The following RASSF3 variants were observed in gnomAD, a reference collection of about 807,000 sequenced individuals.
RASSF3 encodes the protein ras association domain-containing protein 3.
RASSF3 carries 19 observed loss-of-function variants against 19.9 expected under a neutral mutation model. That is an observed-to-expected ratio of 0.96 (90% confidence interval 0.67 to 1.40). RASSF3 has a LOEUF of 1.40. Ranked by LOEUF, RASSF3 falls within the 40% of genes most tolerant of loss-of-function variation. The pLI is 0.00. For synonymous variants in RASSF3, 110 were observed against 104.2 expected (o/e 1.06, Z -0.34); for missense variants, 306 against 289.8 (o/e 1.06, Z -0.41).
downstream of RASSF3, chr12:64,541,819 A>G: frequency 2.5e-6 from 1 of 395,692 alleles, no homozygotes; most frequent in East Asian, 3.6e-5. Flanking sequence ...CAGAGGATCG[A>G]GCTCAGGTTC....
chr12:64,552,726 A>G (rs1214398703), intron 2 of RASSF3, among the ~76,000 whole-genome samples: 1 of 152,190 alleles, frequency 6.6e-6, no homozygotes, highest in Non-Finnish European at 1.5e-5. Flanking sequence ...ATATGGCTGC[A>G]TAGTATTCCA....
rs1377010083 is a variant in RASSF3 at position 64,641,634 on chromosome 12, TC to T, written c.111+30892del. 7.1e-4 allele frequency among the ~76,000 whole-genome samples: 57 copies of T among 80,462 alleles called. 1 individual carries two copies. In the East Asian group the frequency reaches 0.015, roughly 21 times the overall value. The allele number at this position is 80,462 out of a possible 152,430, so 52.8% of individuals were successfully genotyped here. A position where few individuals can be genotyped will look rare whatever the true frequency, so the allele number is the denominator to read the frequency against. On this transcript the variant is annotated intron_variant, in intron 1 of 4. Transcript: ENST00000542104. The stretch of plus-strand genomic sequence containing the variant: ...AATATGGTGAGACCCCATCTCTCTC[TC>T]TCTTTTTTTTTTTTTTTTTAAGTTA...
chr12:64,619,199 T>C (rs925777407), intron 1 of RASSF3, among the ~76,000 whole-genome samples: 2 of 152,042 alleles, frequency 1.3e-5, no homozygotes, highest in African/African-American at 4.8e-5. Flanking sequence ...ACCAGCCTGG[T>C]GTGTTGGGAA....
intron 2 of RASSF3, among the ~76,000 whole-genome samples, chr12:64,579,532 T>G (rs1430195442): frequency 6.6e-6 from 1 of 151,956 alleles, no homozygotes; most frequent in Non-Finnish European, 1.5e-5. Context: ...TTTGTATTTT[T>G]AGTAGAGACT....
Position 64,563,942 on chromosome 12 carries a change from C to T in RASSF3, c.294+22237C>T, listed in dbSNP as rs138766148. 5.5e-3 allele frequency among the ~76,000 whole-genome samples: 842 copies of T among 152,238 alleles called. 4 individuals are homozygous for T. The highest frequency in any genetic ancestry group is 0.02 in the African/African-American group (813 of 41,550). ...CCATCTAGAATGTAAGTTTCATCAG[C>T]GAAGGGGCTCTGTCTGTTTTGCTCA... On this transcript the variant is annotated intron_variant, in intron 2 of 5. Transcript: ENST00000637125.
chr12:64,678,574 T>G (rs868054030), intron 1 of RASSF3, among the ~76,000 whole-genome samples: 1 of 151,372 alleles, frequency 6.6e-6, no homozygotes, highest in Non-Finnish European at 1.5e-5. Flanking sequence ...TCTGTGCTAT[T>G]AATATTTGCT....
chr12:64,516,346 G>A (rs546484578), intron 1 of RASSF3, among the ~76,000 whole-genome samples: 3 of 152,326 alleles, frequency 2.0e-5, no homozygotes, highest in Admixed American at 1.3e-4. Flanking sequence ...CCGGCCGGGC[G>A]CGGTGGCTCA....
At chr12:64,539,684 G>A (rs1235168172) in intron 1 of RASSF3, among the ~76,000 whole-genome samples, 2 of 152,038 alleles carry the variant, frequency 1.3e-5, no homozygotes, top group Admixed American at 6.6e-5. Flanking sequence ...GCTGAGGTGG[G>A]AGGACTGCTT....
downstream of RASSF3, among the ~76,000 whole-genome samples, chr12:64,544,930 T>G (rs1383266710): frequency 1.3e-5 from 2 of 152,198 alleles, no homozygotes; most frequent in African/African-American, 2.4e-5. Context: ...GTTCAGCGTG[T>G]GTGGTTTACA....
intron 1 of RASSF3, among the ~76,000 whole-genome samples, chr12:64,642,782 T>C (rs900776115): frequency 6.6e-6 from 1 of 151,700 alleles, no homozygotes; most frequent in African/African-American, 2.4e-5. Context: ...TTTAAAAGTA[T>C]AGCTTCTGGA....
At position 64,595,319 on chromosome 12, in the gene RASSF3, C is replaced by T. The variant is rs143331353; in HGVS notation, c.294+53614C>T. ...CTGACCTCAAGTGATCAGCCCGCCT[C>T]GGCCTCCCAAAGTGCTGGGATTACA... On this transcript the variant is annotated intron_variant, in intron 2 of 5. Transcript: ENST00000637125. Among the ~76,000 whole-genome samples the T allele has an allele frequency of 2.2e-4, 33 of 152,038 alleles. No homozygotes were observed. In the East Asian group the frequency reaches 5.2e-3, roughly 24 times the overall value.
At chr12:64,631,422 G>A (rs1038904028) in intron 1 of RASSF3, among the ~76,000 whole-genome samples, 1 of 152,144 alleles carries the variant, frequency 6.6e-6, no homozygotes, top group African/African-American at 2.4e-5. Context: ...GAGGAAGCAG[G>A]AGAGTGAGTA....
At chr12:64,637,173 A>C (rs1871353543) in intron 1 of RASSF3, among the ~76,000 whole-genome samples, 1 of 152,190 alleles carries the variant, frequency 6.6e-6, no homozygotes, top group Admixed American at 6.5e-5. Context: ...CTTTTGTGCA[A>C]CTGTTGTTGA....
intron 1 of RASSF3, among the ~76,000 whole-genome samples, chr12:64,614,962 G>C (rs1870502363): frequency 6.6e-6 from 1 of 152,030 alleles, no homozygotes; most frequent in Non-Finnish European, 1.5e-5. Context: ...GCCTCCCAAA[G>C]TGCTGGGATT....
chr12:64,609,028 G>C (rs1870246124), upstream of RASSF3, among the ~76,000 whole-genome samples: 1 of 152,152 alleles, frequency 6.6e-6, no homozygotes, highest in African/African-American at 2.4e-5. Context: ...ATATATACTA[G>C]TTTACAAGAT....
upstream of RASSF3, among the ~76,000 whole-genome samples, chr12:64,605,672 C>A (rs199558157): frequency 3.3e-5 from 5 of 151,914 alleles, no homozygotes; most frequent in East Asian, 9.7e-4. Context: ...GGTGGATCAA[C>A]TGAGGTTGGG....
intron 2 of RASSF3, among the ~76,000 whole-genome samples, chr12:64,571,807 A>G (rs1422686365): frequency 2.0e-5 from 3 of 152,188 alleles, no homozygotes; most frequent in East Asian, 1.9e-4. Context: ...CTCTCTTCCC[A>G]GGTTCCCAAG....
At chr12:64,530,968 G>T (rs1457203809), upstream of RASSF3, among the ~76,000 whole-genome samples, 1 of 152,064 alleles carries the variant, frequency 6.6e-6, no homozygotes, top group African/African-American at 2.4e-5. Flanking sequence ...TCAGACATGT[G>T]ATTTGCAAAT....
In RASSF3 at chr12:64,570,717, A is replaced by G. The variant is rs1307895509; in HGVS notation, c.294+29012A>G. Among the ~76,000 whole-genome samples, 8 of 152,150 alleles carry G rather than the reference A, an allele frequency of 5.3e-5. No homozygotes were observed. In the East Asian group the frequency reaches 1.3e-3, roughly 26 times the overall value. ...ACCCCATCCCTCCTATCGTATATGA[A>G]CAATACCCAAAAGAATCGAAGCTGC... On this transcript the variant is annotated intron_variant, in intron 2 of 5. Transcript: ENST00000637125.
Sources: gnomAD v4.1 joint callset for allele counts (sites outside exome capture counted in the v4.1 genomes callset) on GRCh38, gnomAD v4.1.1 for gene constraint, MANE v1.5 for transcripts, NCBI Gene and HGNC (gene_info 2026-07-23, HGNC 2026-07-21) for gene names.